Variants in CDH18 observed in about 807,000 individuals in gnomAD.
CDH18 encodes cadherin 18.
CDH18 carries 31 observed loss-of-function variants against 67.9 expected under a neutral mutation model. That is an observed-to-expected ratio of 0.46 (90% CI 0.34 to 0.62). The LOEUF is 0.62. CDH18 is among the 20% of genes least tolerant of loss of function. The pLI is 0.01. For synonymous variants in CDH18, 362 were observed against 347.2 expected (o/e 1.04, Z -0.48); for missense variants, 890 against 975.5 (o/e 0.91, Z 1.17).
chr5:19,598,165 TCA>T (rs1251683304), intron 6 of CDH18, among the ~76,000 whole-genome samples: 4 of 152,288 alleles, frequency 2.6e-5, no homozygotes, highest in Admixed American at 2.0e-4. Context: ...TGCTAATATC[TCA>T]GTTTCATTAC....
intron 2 of CDH18, among the ~76,000 whole-genome samples, chr5:19,948,712 G>A (rs1469258791): frequency 6.6e-6 from 1 of 152,124 alleles, no homozygotes; most frequent in Non-Finnish European, 1.5e-5. Flanking sequence ...TTCGTAGATT[G>A]TACAAGTATG....
At chr5:20,370,042 C>A (rs538145443) in intron 1 of CDH18, among the ~76,000 whole-genome samples, 1 of 152,034 alleles carries the variant, frequency 6.6e-6, no homozygotes, top group Non-Finnish European at 1.5e-5. Context: ...TTATTAATAT[C>A]TTTTATTTCT....
chr5:20,514,808 T>C (rs75292815), intron 1 of CDH18, among the ~76,000 whole-genome samples: 2,599 of 152,284 alleles, frequency 0.017, 67 homozygotes, highest in African/African-American at 0.057. Flanking sequence ...ATTTGTCTGA[T>C]TGTGTTTTCA....
chr5:19,572,061 G>A (rs1471458264), intron 7 of CDH18, among the ~76,000 whole-genome samples: 1 of 152,072 alleles, frequency 6.6e-6, no homozygotes, highest in Non-Finnish European at 1.5e-5. Flanking sequence ...ATATGTATTT[G>A]GTGTTATGGA....
chr5:19,539,568 A>T (rs968021233), intron 9 of CDH18, among the ~76,000 whole-genome samples: 71 of 152,194 alleles, frequency 4.7e-4, no homozygotes, highest in Non-Finnish European at 7.1e-4. Context: ...TTTCTGAAGA[A>T]TTAGCTCAAT....
intron 2 of CDH18, among the ~76,000 whole-genome samples, chr5:19,979,651 A>C (rs532230881): frequency 6.6e-6 from 1 of 152,320 alleles, no homozygotes; most frequent in East Asian, 1.9e-4. Context: ...AAAAAGCAAT[A>C]ATTATAGCAT....
intron 8 of CDH18, among the ~76,000 whole-genome samples, chr5:19,546,741 A>T (rs551408687): frequency 1.3e-5 from 2 of 152,162 alleles, no homozygotes; most frequent in South Asian, 4.1e-4. Context: ...GCATGAACAC[A>T]CATGGCAGAA....
chr5:20,376,091 A>ATGTTTTTTTTTTT (rs1743396782), intron 1 of CDH18, among the ~76,000 whole-genome samples: 1 of 49,748 alleles, frequency 2.0e-5, no homozygotes, highest in Non-Finnish European at 3.8e-5. Flanking sequence ...AAAAGAAACA[A>ATGTTTTTTTTTTT]TTTTTTTTTT....
At position 19,571,805 on chromosome 5, in the gene CDH18, A is replaced by C. The variant is rs758214874; in HGVS notation, c.1027T>G (p.Tyr343Asp). Residue 343 changes from tyrosine (Y) to aspartate (D), a missense_variant, in exon 8 of 13, where the codon TAT becomes GAT. Tyr to Asp is a radical substitution (Grantham distance 160). Coordinates refer to ENST00000382275, the MANE Select transcript of CDH18 (RefSeq NM_004934.5). ...KPLNYEKKKS[Y>D]TLNIEGANTH... is the part of the protein sequence containing the mutation. ...TTTGCTCCTTCTATGTTGAGGGTAT[A>C]TGACTTCTTTTTCTCATAGTTCAGT... 6.2e-7 allele frequency: 1 copy of C among 1,613,566 alleles called. No individual in the cohort carries two copies. Among genetic ancestry groups the C allele is most frequent in the South Asian group, 1.1e-5 (1 of 91,056 alleles).
At chr5:19,495,239 G>A (rs1249197080) in intron 11 of CDH18, among the ~76,000 whole-genome samples, 1 of 152,108 alleles carries the variant, frequency 6.6e-6, no homozygotes, top group Non-Finnish European at 1.5e-5. Context: ...AGCATTCAAA[G>A]GAATATCCAG....
chr5:19,498,881 G>T (rs998506457), intron 11 of CDH18, among the ~76,000 whole-genome samples: 3 of 152,066 alleles, frequency 2.0e-5, no homozygotes, highest in Non-Finnish European at 2.9e-5. Context: ...GTCAAGTTAC[G>T]TATCTCCATC....
chr5:19,522,703 T>C (rs922685215), intron 9 of CDH18, among the ~76,000 whole-genome samples: 2 of 152,058 alleles, frequency 1.3e-5, no homozygotes. Flanking sequence ...GAGACCAGCC[T>C]GGCCAACATG....
At chr5:20,288,207 A>T (rs942207235) in intron 1 of CDH18, among the ~76,000 whole-genome samples, 3 of 151,780 alleles carry the variant, frequency 2.0e-5, no homozygotes, top group Non-Finnish European at 4.4e-5. Flanking sequence ...GCAGAATCTC[A>T]CTGCACTGCA....
intron 2 of CDH18, among the ~76,000 whole-genome samples, chr5:19,933,400 T>C (rs1471858300): frequency 6.6e-6 from 1 of 151,616 alleles, no homozygotes; most frequent in Admixed American, 6.6e-5. Context: ...ATTGCACCCC[T>C]TTCCTCATCC....
At chr5:19,555,969 G>T (rs1205337593) in intron 8 of CDH18, among the ~76,000 whole-genome samples, 1 of 152,168 alleles carries the variant, frequency 6.6e-6, no homozygotes, top group East Asian at 1.9e-4. Flanking sequence ...ACACTCCCCA[G>T]TATCAGCCCA....
Position 19,838,937 on chromosome 5 carries a change from C to T in CDH18, c.50G>A (p.Cys17Tyr). Residue 17 changes from cysteine (C) to tyrosine (Y), a missense_variant, in exon 3 of 13, where the codon TGT becomes TAT. Physicochemically the swap from Cys to Tyr is radical, Grantham distance 194 (BLOSUM62 -2). This residue lies in a region of CDH18 where 234 missense variants were observed against 307.4 expected (regional missense o/e 0.76). Transcript: ENST00000382275. ...AGTTCCATAACACCTCTGCACAAAACAGAGACACACTAGGACTGGACAGAT... is the reference window on the plus strand; with the variant it reads ...AGTTCCATAACACCTCTGCACAAAATAGAGACACACTAGGACTGGACAGAT... ...SCICPVLVCL[C>Y]FVQRCYGTAH... 3 of 1,614,068 alleles carry T rather than the reference C, an allele frequency of 1.9e-6. No individual in the cohort carries two copies. Among genetic ancestry groups the T allele is most frequent in the Non-Finnish European group, 2.5e-6 (3 of 1,179,946 alleles).
At chr5:20,519,600 C>A (rs1755600746) in intron 1 of CDH18, among the ~76,000 whole-genome samples, 1 of 151,872 alleles carries the variant, frequency 6.6e-6, no homozygotes, top group South Asian at 2.1e-4. Context: ...TGCACATATA[C>A]CCTAAAACTT....
intron 11 of CDH18, among the ~76,000 whole-genome samples, chr5:19,493,235 A>G (rs533018902): frequency 6.6e-6 from 1 of 152,308 alleles, no homozygotes; most frequent in South Asian, 2.1e-4. Flanking sequence ...ATTACATTTC[A>G]TATCATCCTC....
intron 1 of CDH18, among the ~76,000 whole-genome samples, chr5:20,496,573 G>T (rs62355183): frequency 0.019 from 2,962 of 152,084 alleles, 56 homozygotes; most frequent in African/African-American, 0.048. Flanking sequence ...ATGGAGTCTC[G>T]CTCTGTCGCC....
Sources: allele counts gnomAD v4.1 joint callset (sites outside exome capture counted in the v4.1 genomes callset), GRCh38; gene constraint gnomAD v4.1.1; regional missense constraint gnomAD v4.1.1; transcripts MANE v1.5; gene names NCBI Gene and HGNC (gene_info 2026-07-23, HGNC 2026-07-21).